PKHD1: variants seen among roughly 807,000 people sequenced by gnomAD.
PKHD1 encodes fibrocystin.
In PKHD1, 291 loss-of-function variants were observed where a neutral mutation model predicts 412.0. That is an observed-to-expected ratio of 0.71 (90% CI 0.64 to 0.78). The LOEUF is 0.78. PKHD1 is among the 30% of genes least tolerant of loss of function. The probability of loss-of-function intolerance (pLI) is 0.00; values close to 1 mark genes in which losing one functional copy is unlikely to be tolerated. For synonymous variants in PKHD1, 1,777 were observed against 1,821.5 expected (o/e 0.98, Z 0.62); for missense variants, 4,825 against 4,950.7 (o/e 0.97, Z 0.76).
At chr6:51,771,693 T>C (rs1490788366) in intron 55 of PKHD1, among the ~76,000 whole-genome samples, 2 of 152,138 alleles carry the variant, frequency 1.3e-5, no homozygotes, top group African/African-American at 4.8e-5. Flanking sequence ...CAGTGCTTCT[T>C]AGTTATTTAT....
At chr6:51,741,206 C>G (rs749752086) in intron 60 of PKHD1, 1 of 518,690 alleles carries the variant, frequency 1.9e-6, no homozygotes, top group East Asian at 5.5e-5. Context: ...AAAATGAACA[C>G]TCTTATGATT....
At chr6:51,842,990 G>A (rs576938010) in intron 50 of PKHD1, among the ~76,000 whole-genome samples, 9 of 152,378 alleles carry the variant, frequency 5.9e-5, no homozygotes, top group African/African-American at 2.2e-4. Flanking sequence ...TTGAAGTGGA[G>A]CTGAGCGTGG....
In PKHD1 at chr6:52,042,845, C is replaced by T. The variant is rs751637684; in HGVS notation, c.3097+14G>A. ...CAGAGGGTCAGACATACTGTGAGACCCTCCCCAGATTACCAATATCCGCAG... is the reference window on the plus strand; with the variant it reads ...CAGAGGGTCAGACATACTGTGAGACTCTCCCCAGATTACCAATATCCGCAG... On this transcript the variant is annotated intron_variant, in intron 27 of 66. Transcript: ENST00000371117. 1.9e-6 allele frequency: 3 copies of T among 1,612,328 alleles called. No homozygotes were observed. Among genetic ancestry groups the T allele is most frequent in the South Asian group, 2.2e-5 (2 of 91,058 alleles).
intron 26 of PKHD1, 68 bp downstream of exon 26, chr6:52,043,557 T>A: frequency 1.9e-6 from 2 of 1,056,710 alleles, no homozygotes; most frequent in South Asian, 2.5e-5. Context: ...ACCAGCTACA[T>A]GGCCTCTAAC....
In PKHD1 at chr6:52,083,201, G is replaced by A. The variant is rs137852944; in HGVS notation, c.107C>T (p.Thr36Met). ...EPEEGSLAGG[T>M]WITVIFDGLE... The stretch of plus-strand genomic sequence containing the variant: ...ACCATCAAAAATGACTGTGATCCAC[G>A]TTCCCCCTGCAAGGCTACCTTCTTC... Residue 36 changes from threonine (T) to methionine (M), a missense_variant, in exon 3 of 67, where the codon ACG becomes ATG. Physicochemically the swap from Thr to Met is moderately conservative, Grantham distance 81. Transcript: ENST00000371117. 911 of 1,609,822 alleles carry A rather than the reference G, an allele frequency of 5.7e-4. No individual in the cohort carries two copies. Among genetic ancestry groups the A allele is most frequent in the Non-Finnish European group, 6.9e-4 (814 of 1,176,124 alleles).
intron 42 of PKHD1, 108 bp downstream of exon 42, chr6:51,903,878 T>C: frequency 5.1e-6 from 3 of 591,578 alleles, no homozygotes; most frequent in South Asian, 2.8e-5. Context: ...ATATTTAGTA[T>C]GCACAATAAA....
intron 55 of PKHD1, among the ~76,000 whole-genome samples, chr6:51,764,041 C>A (rs1788506925): frequency 6.7e-6 from 1 of 149,828 alleles, no homozygotes; most frequent in Admixed American, 6.7e-5. Context: ...TGCTGGTGCG[C>A]TGCACCCACT....
At chr6:51,918,700 G>A (rs533033619) in intron 37 of PKHD1, among the ~76,000 whole-genome samples, 1 of 152,262 alleles carries the variant, frequency 6.6e-6, no homozygotes, top group East Asian at 1.9e-4. Flanking sequence ...AATCCTTTGG[G>A]TATATACCCA....
In PKHD1 at chr6:51,885,971, A is replaced by G; in HGVS notation, c.7111T>C (p.Tyr2371His). The G allele has an allele frequency of 6.4e-7, 1 of 1,552,664 alleles. No individual in the cohort carries two copies. Among genetic ancestry groups the G allele is most frequent in the South Asian group, 1.1e-5 (1 of 89,778 alleles). ...TQNIAHSCTRYGLFVYPKFQP... is the reference protein window; with the variant it reads ...TQNIAHSCTRHGLFVYPKFQP... The stretch of plus-strand genomic sequence containing the variant: ...AATTTAGGGTATACAAAGAGACCAT[A>G]CCTAAAAAGTGAAACAGAATGAAAT... Residue 2371 changes from tyrosine (Y) to histidine (H), a missense_variant and splice_region_variant, in exon 45 of 67, where the codon TAT (tyrosine) becomes CAT (histidine). Transcript: ENST00000371117.
chr6:51,764,591 G>A (rs1025227580), intron 55 of PKHD1, among the ~76,000 whole-genome samples: 1 of 150,892 alleles, frequency 6.6e-6, no homozygotes, highest in Non-Finnish European at 1.5e-5. Flanking sequence ...TATAAATCAT[G>A]CTGCTATAAA....
Position 52,033,119 on chromosome 6 carries a change from T to C in PKHD1, c.3275A>G (p.Tyr1092Cys), listed in dbSNP as rs1249309896. 2.5e-6 allele frequency: 4 copies of C among 1,611,692 alleles called. No homozygotes were observed. The highest frequency in any genetic ancestry group is 3.4e-6 in the Non-Finnish European group (4 of 1,177,818). The change falls in exon 29 of 67, where the codon TAT becomes TGT. Residue 1092 changes from tyrosine (Y) to cysteine (C), a missense_variant. By Grantham distance (194) the Tyr-to-Cys change is radical. Transcript: ENST00000371117. ...IVNVTVIRGD[Y>C]SAVLPRAFTY... ...AAATGCTCTGGGAAGAACTGCAGAA[T>C]AGTCCCCTCTGATCACAGTCACATT...
intron 60 of PKHD1, among the ~76,000 whole-genome samples, chr6:51,671,697 T>C (rs1775012614): frequency 6.6e-6 from 1 of 152,198 alleles, no homozygotes; most frequent in Non-Finnish European, 1.5e-5. Flanking sequence ...TTTTGGTCTT[T>C]GATGATGGTG....
intron 60 of PKHD1, 49 bp downstream of exon 60, chr6:51,744,336 A>G (rs746660895): frequency 3.2e-6 from 5 of 1,550,276 alleles, no homozygotes; most frequent in Middle Eastern, 3.7e-4. Context: ...CAGCTCCTTC[A>G]CAAGCACCCT....
At position 51,744,510 on chromosome 6, in the gene PKHD1, A is replaced by G. The variant is rs398124475; in HGVS notation, c.10031T>C (p.Leu3344Ser). ...ATATTTTCTTGGACTTGCACAGTCTAATTCAGGACAGACTACTTTTCCTAA... is the reference window on the plus strand; with the variant it reads ...ATATTTTCTTGGACTTGCACAGTCTGATTCAGGACAGACTACTTTTCCTAA... ...KDLGKVVCPE[L>S]DCASPRKYLF... is the part of the protein sequence containing the mutation. The change falls in exon 60 of 67, where the codon TTA becomes TCA. Residue 3344 changes from leucine to serine, a missense_variant. Coordinates refer to ENST00000371117, the MANE Select transcript of PKHD1 (RefSeq NM_138694.4). 6.2e-6 allele frequency: 10 copies of G among 1,613,312 alleles called. No individual in the cohort carries two copies. Among genetic ancestry groups the G allele is most frequent in the Non-Finnish European group, 7.6e-6 (9 of 1,179,280 alleles).
intron 35 of PKHD1, among the ~76,000 whole-genome samples, chr6:51,987,732 CTTT>C (rs529894512): frequency 7.0e-6 from 1 of 143,514 alleles, no homozygotes; most frequent in Non-Finnish European, 1.5e-5. Context: ...TTTCTAAGAC[CTTT>C]TTTTTTTTTT....
At chr6:52,038,715 A>G (rs1475059855) in intron 27 of PKHD1, among the ~76,000 whole-genome samples, 1 of 152,168 alleles carries the variant, frequency 6.6e-6, no homozygotes, top group South Asian at 2.1e-4. Context: ...CCCCTACCTC[A>G]TACCATGTAC....
chr6:52,048,595 T>G lies in PKHD1; in HGVS notation c.2304A>C (p.Glu768Asp). The change falls in exon 23 of 67, where the codon GAA (glutamate) becomes GAC (aspartate). Residue 768 changes from glutamate to aspartate, a missense_variant. Glu to Asp is a conservative substitution (Grantham distance 45, BLOSUM62 2). Coordinates refer to ENST00000371117, the MANE Select transcript of PKHD1 (RefSeq NM_138694.4). ...TCACCAGGACCAGTCCAGATCCCTC[T>G]TCTGTTCCTTCAGTGGGCACAGAGC... ...TARSVPTEGTEEGSGLVLVTT... is the reference protein window; with the variant it reads ...TARSVPTEGTDEGSGLVLVTT... 6.2e-7 allele frequency: 1 copy of G among 1,614,060 alleles called. No individual in the cohort carries two copies. Among genetic ancestry groups the G allele is most frequent in the Non-Finnish European group, 8.5e-7 (1 of 1,179,922 alleles).
intron 21 of PKHD1, among the ~76,000 whole-genome samples, chr6:52,050,791 C>T (rs1227947911): frequency 6.6e-6 from 1 of 152,202 alleles, no homozygotes; most frequent in African/African-American, 2.4e-5. Flanking sequence ...AGAGAGACCA[C>T]TGGTCAAATC....
intron 2 of PKHD1, 27 bp from the exon 3 acceptor site, chr6:52,083,282 G>A: frequency 2.1e-6 from 3 of 1,437,064 alleles, no homozygotes; most frequent in Non-Finnish European, 2.9e-6. Flanking sequence ...AAAAACATTG[G>A]TTTTGAAGGT....
Sources: gnomAD v4.1 joint callset for allele counts (sites outside exome capture counted in the v4.1 genomes callset) on GRCh38, gnomAD v4.1.1 for gene constraint, MANE v1.5 for transcripts, NCBI Gene and HGNC (gene_info 2026-07-23, HGNC 2026-07-21) for gene names.